Variants in NEB observed in about 807,000 individuals in gnomAD.
NEB encodes the protein nebulin, also known as nemaline myopathy type 2.
NEB carries 512 observed loss-of-function variants against 952.2 expected under a neutral mutation model. That is an observed-to-expected ratio of 0.54 (90% CI 0.50 to 0.58). The LOEUF (loss-of-function observed/expected upper bound fraction) is 0.58. Ranked by LOEUF, NEB falls within the 20% of genes least tolerant of loss-of-function variation. The pLI is 0.00. For missense variants in NEB, 8,428 were observed against 9,231.1 expected, an observed-to-expected ratio of 0.91 and a Z score of 3.56; for synonymous variants, 2,900 against 3,149.8, an observed-to-expected ratio of 0.92 and a Z score of 2.66.
In NEB at chr2:151,575,726, A is replaced by C; in HGVS notation, c.16982T>G (p.Leu5661Arg). 1.9e-6 allele frequency: 3 copies of C among 1,608,262 alleles called. No homozygotes were observed. The highest frequency in any genetic ancestry group is 2.6e-6 in the Non-Finnish European group (3 of 1,174,676). ...CACATTAAGAGCATTTGCTCTAGCGAGATTAATTTCTGGAGTATCTGGCAT... is the reference window on the plus strand; with the variant it reads ...CACATTAAGAGCATTTGCTCTAGCGCGATTAATTTCTGGAGTATCTGGCAT... ...HIMPDTPEIN[L>R]ARANALNVSN... is the part of the protein sequence containing the mutation. Residue 5661 changes from leucine (L) to arginine (R), a missense_variant, in exon 107 of 182, where the codon CTC becomes CGC. Physicochemically the swap from Leu to Arg is moderately radical, Grantham distance 102. Coordinates refer to ENST00000397345, the MANE Select transcript of NEB (RefSeq NM_001164508.2).
intron 38 of NEB, among the ~76,000 whole-genome samples, chr2:151,670,001 G>A (rs777144311): frequency 5.3e-5 from 8 of 152,176 alleles, no homozygotes; most frequent in South Asian, 2.1e-4. Context: ...GGTGTTAACC[G>A]TGACTGCCAA....
intron 175 of NEB, 71 bp from the exon 176 acceptor site, chr2:151,493,516 G>A: frequency 1.0e-6 from 1 of 993,162 alleles, no homozygotes; most frequent in Non-Finnish European, 1.5e-6. Flanking sequence ...CACTTAGCTG[G>A]TGTTATGGCT....
chr2:151,517,587 TCA>T lies in NEB; in HGVS notation c.22800+729_22800+730del, dbSNP rs200898845. ...ATGCAATTTCATCATTGTGTGAACATCACAGAGTACACTTACACAAACCTAGA... is the reference window on the plus strand; with the variant it reads ...ATGCAATTTCATCATTGTGTGAACATCAGAGTACACTTACACAAACCTAGA... On this transcript the variant is annotated intron_variant, in intron 156 of 181. Coordinates refer to ENST00000397345, the MANE Select transcript of NEB (RefSeq NM_001164508.2). 2.3e-3 allele frequency among the ~76,000 whole-genome samples: 343 copies of T among 152,304 alleles called. 7 individuals carry two copies. The East Asian group carries it at 0.044, about 20-fold the overall frequency.
intron 143 of NEB, 190 bp from the exon 144 acceptor site, chr2:151,532,086 C>A: frequency 2.0e-6 from 1 of 495,120 alleles, no homozygotes; most frequent in Non-Finnish European, 3.6e-6. Context: ...GATACTACTA[C>A]TAATAATTTC....
intron 34 of NEB, 126 bp from the exon 35 acceptor site, chr2:151,675,517 A>AT (rs1488054354): frequency 1.4e-5 from 9 of 628,558 alleles, no homozygotes; most frequent in East Asian, 2.9e-5. Flanking sequence ...GCATTTTCCT[A>AT]TTTTTTTAAA....
chr2:151,653,778 AGAGGTCGTCTGGCCC>A (rs1321168454), intron 52 of NEB, among the ~76,000 whole-genome samples, 199 bp downstream of exon 52: 4 of 152,180 alleles, frequency 2.6e-5, no homozygotes, highest in Non-Finnish European at 4.4e-5. Flanking sequence ...AATGGATCTT[AGAGGTCGTCTGGCCC>A]GACCTCTATT....
At chr2:151,568,504 T>G in intron 111 of NEB, 87 bp from the exon 112 acceptor site, 1 of 1,465,454 alleles carries the variant, frequency 6.8e-7, no homozygotes, top group East Asian at 2.3e-5. Flanking sequence ...CATCCATCAT[T>G]TCAATGATTA....
rs1014523887 is a variant in NEB, at chr2:151,493,035, T to C, written c.24765+318A>G. 10 of 270,308 alleles carry C rather than the reference T, an allele frequency of 3.7e-5. No homozygotes were observed. The Admixed American group carries it at 4.5e-4, about 12-fold the overall frequency. The allele number at this position is 270,308 out of a possible 1,614,324, so 16.7% of individuals were successfully genotyped here. The stretch of plus-strand genomic sequence containing the variant: ...AAGGAGAGCAGAAGATTGAGGATGT[T>C]AGGAAGTAAATTTGTTATAGTTGGT... On this transcript the variant is annotated intron_variant, in intron 176 of 181. Coordinates refer to ENST00000397345, the MANE Select transcript of NEB (RefSeq NM_001164508.2).
chr2:151,684,630 T>C, intron 28 of NEB, 148 bp downstream of exon 28: 1 of 638,788 alleles, frequency 1.6e-6, no homozygotes, highest in Non-Finnish European at 2.5e-6. Context: ...TTGAAGGGCA[T>C]GCTCTTATAG....
intron 60 of NEB, among the ~76,000 whole-genome samples, chr2:151,641,607 AGGTGTGAGCCAT>A (rs1234177496): frequency 1.3e-5 from 2 of 152,218 alleles, no homozygotes; most frequent in South Asian, 4.1e-4. Context: ...CTGGGATTAC[AGGTGTGAGCCAT>A]GGTGCCTGAC....
intron 50 of NEB, 50 bp from the exon 51 acceptor site, chr2:151,655,424 G>A: frequency 1.8e-6 from 2 of 1,083,462 alleles, no homozygotes; most frequent in Admixed American, 2.2e-5. Context: ...GGGACAAGCA[G>A]GAAAGAAAAA....
Position 151,631,341 on chromosome 2 carries a change from A to G in NEB, c.9420T>C (p.Ile3140=). 6.2e-7 allele frequency: 1 copy of G among 1,612,990 alleles called. No individual in the cohort carries two copies. Among genetic ancestry groups the G allele is most frequent in the Non-Finnish European group, 8.5e-7 (1 of 1,179,262 alleles). The change falls in exon 66 of 182, where the codon ATT becomes ATC. Residue 3140 remains isoleucine (I), a synonymous_variant. Transcript: ENST00000397345. The stretch of plus-strand genomic sequence containing the variant: ...TCAGCCACTGGAGATCTGACTTGTA[A>G]ATATTCTGAGCAGAGGAAAAAAGTC... ...RQAYDLQSDN[I]YKSDLQWLRG... is the part of the protein sequence containing the mutation.
Position 151,492,503 on chromosome 2 carries a change from G to A in NEB, c.24766-9C>T, listed in dbSNP as rs1214414494. The A allele has an allele frequency of 1.9e-6, 3 of 1,592,294 alleles. No individual in the cohort carries two copies. Among genetic ancestry groups the A allele is most frequent in the African/African-American group, 1.3e-5 (1 of 74,406 alleles). On this transcript the variant is annotated splice_polypyrimidine_tract_variant and intron_variant, in intron 176 of 181. Coordinates refer to ENST00000397345, the MANE Select transcript of NEB (RefSeq NM_001164508.2). Reference sequence around the variant, plus strand: ...CTATCAGAATAAAGAACCTGATGCAGGAGAGACCGTGAATGAGTGGTGCTG... The same window carrying A: ...CTATCAGAATAAAGAACCTGATGCAAGAGAGACCGTGAATGAGTGGTGCTG...
intron 75 of NEB, among the ~76,000 whole-genome samples, chr2:151,616,835 C>T (rs993752161): frequency 1.8e-4 from 27 of 152,282 alleles, no homozygotes; most frequent in African/African-American, 6.0e-4. Context: ...AAACTCAATG[C>T]ATTGTGCTTA....
Position 151,562,642 on chromosome 2 carries a change from C to A in NEB, c.18860G>T (p.Arg6287Leu). 1 of 1,585,960 alleles carries A rather than the reference C, an allele frequency of 6.3e-7. No individual in the cohort carries two copies. Among genetic ancestry groups the A allele is most frequent in the Non-Finnish European group, 8.6e-7 (1 of 1,158,832 alleles). ...TSLLEEPNVI[R>L]VRNAQEILSD... ...CAAGATCTCCTGGGCGTTTCGGACG[C>A]GTATAACATTGGGTTCTTCCAGAAG... The change falls in exon 120 of 182, where the codon CGC becomes CTC. Residue 6287 changes from arginine to leucine, a missense_variant. By Grantham distance (102) the Arg-to-Leu change is moderately radical (BLOSUM62 -2). This residue lies in a region of NEB where 3,374 missense variants were observed against 3,651.5 expected (regional missense o/e 0.92). Transcript: ENST00000397345.
At chr2:151,566,522 G>C (rs183082792) in intron 114 of NEB, among the ~76,000 whole-genome samples, 1 of 152,182 alleles carries the variant, frequency 6.6e-6, no homozygotes, top group Non-Finnish European at 1.5e-5. Context: ...AGCTTCTCTG[G>C]GCACCTAAGC....
intron 10 of NEB, chr2:151,716,021 T>C (rs1310542121): frequency 3.5e-6 from 1 of 282,506 alleles, no homozygotes; most frequent in Non-Finnish European, 7.1e-6. Context: ...CATTTAAAAA[T>C]AGATTCCTTT....
intron 168 of NEB, among the ~76,000 whole-genome samples, chr2:151,500,443 T>C (rs919357605): frequency 6.6e-6 from 1 of 151,810 alleles, no homozygotes; most frequent in Admixed American, 6.6e-5. Flanking sequence ...ATTTGTGTGT[T>C]AGAGTTTTTC....
At chr2:151,702,703 TG>T (rs1035795996) in intron 13 of NEB, among the ~76,000 whole-genome samples, 25 of 152,260 alleles carry the variant, frequency 1.6e-4, no homozygotes, top group African/African-American at 5.8e-4. Context: ...GCCTTTTTTT[TG>T]TTTTCCATTT....
Sources: allele counts gnomAD v4.1 joint callset (sites outside exome capture counted in the v4.1 genomes callset), GRCh38; gene constraint gnomAD v4.1.1; regional missense constraint gnomAD v4.1.1; transcripts MANE v1.5; gene names NCBI Gene and HGNC (gene_info 2026-07-23, HGNC 2026-07-21).